The following EVI5 variants were observed in gnomAD, a reference collection of about 807,000 sequenced individuals.
EVI5 encodes the protein ecotropic viral integration site 5.
In EVI5, 73 loss-of-function variants were observed where a neutral mutation model predicts 112.0. The ratio of observed to expected loss-of-function variants is 0.65; its 90% CI spans 0.54 to 0.79. The LOEUF (loss-of-function observed/expected upper bound fraction) is 0.79. Ranked by LOEUF, EVI5 falls within the 30% of genes least tolerant of loss-of-function variation. The pLI is 0.00. For missense variants in EVI5, 900 were observed against 968.8 expected (o/e 0.93, Z 0.94); for synonymous variants, 305 against 319.9 (o/e 0.95, Z 0.50).
intron 13 of EVI5, among the ~76,000 whole-genome samples, chr1:92,658,143 G>A (rs1201910083): frequency 6.6e-6 from 1 of 152,112 alleles, no homozygotes; most frequent in Non-Finnish European, 1.5e-5. Context: ...TAATGAATGG[G>A]GAAAAGTTGA....
intron 14 of EVI5, among the ~76,000 whole-genome samples, chr1:92,630,441 T>C (rs1207408857): frequency 1.3e-5 from 2 of 152,258 alleles, no homozygotes; most frequent in Non-Finnish European, 2.9e-5. Flanking sequence ...TTTTTTCATG[T>C]GTCTTTTGGC....
intron 13 of EVI5, among the ~76,000 whole-genome samples, chr1:92,660,422 A>C (rs12059319): frequency 0.024 from 3,719 of 152,032 alleles, 169 homozygotes; most frequent in African/African-American, 0.085. Context: ...GAGACTAGGG[A>C]GGGAATTGGG....
At chr1:92,782,978 C>T (rs2103113699) in intron 1 of EVI5, among the ~76,000 whole-genome samples, 1 of 152,192 alleles carries the variant, frequency 6.6e-6, no homozygotes, top group East Asian at 1.9e-4. Context: ...CACAACCACA[C>T]CCAGCTAATT....
intron 9 of EVI5, among the ~76,000 whole-genome samples, chr1:92,689,690 C>T (rs1669154712): frequency 6.6e-6 from 1 of 151,958 alleles, no homozygotes; most frequent in Admixed American, 6.6e-5. Flanking sequence ...TCTTACACTG[C>T]CGGGTTAGAC....
At chr1:92,634,719 T>G (rs750986907) in intron 14 of EVI5, among the ~76,000 whole-genome samples, 7 of 152,250 alleles carry the variant, frequency 4.6e-5, no homozygotes, top group Admixed American at 1.3e-4. Flanking sequence ...CCGGTGCTGG[T>G]GAGGAGCTGC....
intron 13 of EVI5, among the ~76,000 whole-genome samples, chr1:92,641,292 A>G (rs1215349224): frequency 1.3e-5 from 2 of 152,234 alleles, no homozygotes; most frequent in Non-Finnish European, 2.9e-5. Context: ...TTACCATTAT[A>G]AATCAATAAC....
At chr1:92,622,409 G>T in intron 16 of EVI5, 1 of 372,252 alleles carries the variant, frequency 2.7e-6, no homozygotes, top group South Asian at 2.0e-5. Context: ...AGAAACTCTT[G>T]AAGATATACA....
chr1:92,599,057 T>C (rs1648560378), intron 18 of EVI5, among the ~76,000 whole-genome samples: 2 of 151,706 alleles, frequency 1.3e-5, no homozygotes, highest in Admixed American at 1.3e-4. Flanking sequence ...ATATACTACA[T>C]AGCATGTATA....
chr1:92,573,162 T>C (rs891955378), intron 18 of EVI5, among the ~76,000 whole-genome samples: 1 of 151,996 alleles, frequency 6.6e-6, no homozygotes, highest in African/African-American at 2.4e-5. Context: ...CCAAAGATAA[T>C]TAGAGAAGTA....
In EVI5 at chr1:92,695,315, AC is replaced by A. The variant is rs763655747; in HGVS notation, c.903del (p.Met301IlefsTer5). 6.2e-7 allele frequency: 1 copy of A among 1,609,442 alleles called. No homozygotes were observed. Among genetic ancestry groups the A allele is most frequent in the Admixed American group, 1.7e-5 (1 of 59,440 alleles). ...PIATRIFDIFMSEGLEIVFRV... is the reference protein window; with the variant it reads ...PIATRIFDIFXSEGLEIVFRV... The stretch of plus-strand genomic sequence containing the variant: ...TTGTCTGCCCATTAGCTTACCTCAG[AC>A]ATAAAGATATCAAATATCCTTGTTG... On this transcript the variant is annotated frameshift_variant, in exon 7 of 20. Coordinates refer to ENST00000684568, the MANE Select transcript of EVI5 (RefSeq NM_001350197.2). LOFTEE classifies it high-confidence loss of function.
intron 18 of EVI5, among the ~76,000 whole-genome samples, chr1:92,600,673 C>T (rs965792748): frequency 2.0e-5 from 3 of 152,192 alleles, no homozygotes; most frequent in African/African-American, 7.2e-5. Flanking sequence ...ACACCCCTGA[C>T]ATGTGCAGTT....
chr1:92,786,323 G>A (rs1685638827), upstream of EVI5, among the ~76,000 whole-genome samples: 1 of 150,914 alleles, frequency 6.6e-6, no homozygotes, highest in South Asian at 2.1e-4. Context: ...CCTCCACCCA[G>A]CTAAAAACTT....
At chr1:92,727,041 T>TA (rs1675679321) in intron 2 of EVI5, among the ~76,000 whole-genome samples, 1 of 152,174 alleles carries the variant, frequency 6.6e-6, no homozygotes, top group African/African-American at 2.4e-5. Context: ...ATAATCACCT[T>TA]AAATGTAAAT....
chr1:92,784,376 G>C (rs1019783526), intron 1 of EVI5: 1 of 985,208 alleles, frequency 1.0e-6, no homozygotes, highest in African/African-American at 1.7e-5. Context: ...CAGCAGCCTG[G>C]AGACACGCCA....
At chr1:92,609,093 C>T (rs1250155902) in intron 16 of EVI5, among the ~76,000 whole-genome samples, 1 of 152,158 alleles carries the variant, frequency 6.6e-6, no homozygotes, top group Non-Finnish European at 1.5e-5. Context: ...GTAGTTTTCA[C>T]ACTCAGGTAT....
chr1:92,771,777 T>C (rs1286365822), intron 1 of EVI5, among the ~76,000 whole-genome samples: 3 of 151,802 alleles, frequency 2.0e-5, no homozygotes, highest in Non-Finnish European at 4.4e-5. Flanking sequence ...CTGCCCGGAA[T>C]ACATCAATTT....
At chr1:92,707,728 T>C (rs1439449604) in intron 2 of EVI5, among the ~76,000 whole-genome samples, 3 of 152,170 alleles carry the variant, frequency 2.0e-5, no homozygotes, top group African/African-American at 7.2e-5. Flanking sequence ...TGTTTGATAA[T>C]TCCTCATACA....
At chr1:92,518,969 A>G (rs923266446) in intron 19 of EVI5, among the ~76,000 whole-genome samples, 3 of 152,196 alleles carry the variant, frequency 2.0e-5, no homozygotes, top group African/African-American at 7.2e-5. Flanking sequence ...ATCATCTTCA[A>G]TTTTTAAGAT....
rs1279315044 is a variant in EVI5, at chr1:92,677,325, TTTC to T, written c.1098-110_1098-108del. On this transcript the variant is annotated intron_variant, in intron 9 of 19. Coordinates refer to ENST00000684568, the MANE Select transcript of EVI5 (RefSeq NM_001350197.2). ...TGAACATAAAATACAATTTCTTTAG[TTTC>T]TTCTAGCTTATAACTTGGAGATATT... 6.8e-5 allele frequency: 40 copies of T among 589,086 alleles called. No homozygotes were observed. The African/African-American group carries it at 6.9e-4, about 10-fold the overall frequency. 36.5% of individuals were successfully genotyped at this position (589,086 alleles called of 1,614,324 possible).
Sources: gnomAD v4.1 joint callset for allele counts (sites outside exome capture counted in the v4.1 genomes callset) on GRCh38, gnomAD v4.1.1 for gene constraint, MANE v1.5 for transcripts, NCBI Gene and HGNC (gene_info 2026-07-23, HGNC 2026-07-21) for gene names.